ZNF280C: variants seen among roughly 807,000 people sequenced by gnomAD.
The protein encoded by ZNF280C is zinc finger protein 280C.
ZNF280C carries 14 observed loss-of-function variants against 53.6 expected under a neutral mutation model. The observed-to-expected ratio is 0.26, with a 90% CI of 0.17 to 0.41. The LOEUF (loss-of-function observed/expected upper bound fraction) is 0.41, where lower values mean the gene tolerates loss of function less well. Ranked by LOEUF, ZNF280C falls within the 10% of genes least tolerant of loss-of-function variation. The pLI, the probability that ZNF280C is intolerant of heterozygous loss-of-function variation, is 1.00. For synonymous variants in ZNF280C, 203 were observed against 181.1 expected (o/e 1.12, Z -0.97); for missense variants, 416 against 547.1 (o/e 0.76, Z 2.39).
chrX:130,212,185 G>A (rs1432481076), intron 15 of ZNF280C, among the ~76,000 whole-genome samples: 1 of 111,866 alleles, frequency 8.9e-6, no homozygotes, highest in Non-Finnish European at 1.9e-5. Context: ...TCATGTTTAT[G>A]CAAATGATGC....
At chrX:130,235,703 A>G (rs2032324621) in intron 8 of ZNF280C, among the ~76,000 whole-genome samples, 1 of 112,140 alleles carries the variant, frequency 8.9e-6, no homozygotes, top group African/African-American at 3.2e-5. Flanking sequence ...AGTATTTACC[A>G]TGTCTCTGCG....
intron 2 of ZNF280C, among the ~76,000 whole-genome samples, chrX:130,251,304 A>AAAAAAAAAAAAAAAAAAC (rs2032506688): frequency 9.6e-6 from 1 of 103,700 alleles, no homozygotes; most frequent in Non-Finnish European, 2.0e-5. Context: ...AAAAAAAAAA[A>AAAAAAAAAAAAAAAAAAC]AAAGACCAGC....
chrX:130,263,786 G>A (rs768394853), intron 1 of ZNF280C, among the ~76,000 whole-genome samples: 1 of 110,671 alleles, frequency 9.0e-6, no homozygotes, highest in Admixed American at 9.6e-5. Context: ...CAGCACTTTG[G>A]GAGGCAGAGG....
intron 16 of ZNF280C, among the ~76,000 whole-genome samples, chrX:130,207,934 T>C (rs1385045599): frequency 9.0e-6 from 1 of 111,583 alleles, no homozygotes; most frequent in Non-Finnish European, 1.9e-5. Flanking sequence ...CTTATATCCA[T>C]ACCCCTTTAA....
chrX:130,245,347 C>T (rs766257921), intron 3 of ZNF280C, among the ~76,000 whole-genome samples: 1 of 111,439 alleles, frequency 9.0e-6, no homozygotes, highest in East Asian at 2.8e-4. Context: ...GGTAATATTT[C>T]AGCATAAAAA....
At chrX:130,249,373 C>T (rs753143388) in intron 2 of ZNF280C, among the ~76,000 whole-genome samples, 3 of 112,224 alleles carry the variant, frequency 2.7e-5, no homozygotes, top group Non-Finnish European at 3.8e-5. Flanking sequence ...ATGGGCCCTG[C>T]TGTCACTGCC....
At position 130,236,633 on chromosome X, in the gene ZNF280C, T is replaced by C. The variant is rs774726642; in HGVS notation, c.500A>G (p.Lys167Arg). The C allele has an allele frequency of 8.7e-7, 1 of 1,147,035 alleles. No homozygotes were observed. The highest frequency in any genetic ancestry group is 2.4e-5 in the Admixed American group (1 of 42,022). 94.5% of individuals were successfully genotyped at this position (1,147,035 alleles called of 1,213,427 possible). Reference sequence around the variant, plus strand: ...ATGTTTCAACACATATGAAGTATTTTTCATACCTACAAAGATTTAAATAGT... The same window carrying C: ...ATGTTTCAACACATATGAAGTATTTCTCATACCTACAAAGATTTAAATAGT... Reference protein sequence around the residue: ...DIPAIFREGMKNTSYVLKHPS... With the variant: ...DIPAIFREGMRNTSYVLKHPS... The change falls in exon 7 of 19, where the codon AAA becomes AGA. Residue 167 changes from lysine to arginine, a missense_variant. Coordinates refer to ENST00000370978, the MANE Select transcript of ZNF280C (RefSeq NM_017666.5).
intron 1 of ZNF280C, 102 bp from the exon 2 acceptor site, chrX:130,260,567 T>C: frequency 5.3e-6 from 3 of 564,194 alleles, no homozygotes; most frequent in East Asian, 8.3e-5. Context: ...GGGTCTAATT[T>C]TGATCTCCAG....
chrX:130,267,676 T>C (rs1389136823), intron 1 of ZNF280C, among the ~76,000 whole-genome samples: 4 of 112,205 alleles, frequency 3.6e-5, no homozygotes, highest in Non-Finnish European at 7.5e-5. Flanking sequence ...TCAGTGCCTT[T>C]GTAGGCTCAG....
At chrX:130,229,693 T>C (rs565267607) in intron 9 of ZNF280C, among the ~76,000 whole-genome samples, 8 of 112,468 alleles carry the variant, frequency 7.1e-5, no homozygotes, top group African/African-American at 1.9e-4. Context: ...GGCTTACTGT[T>C]AGCACAAACT....
chrX:130,253,011 A>C (rs1460415324), intron 2 of ZNF280C, among the ~76,000 whole-genome samples: 1 of 111,916 alleles, frequency 8.9e-6, no homozygotes. Flanking sequence ...CAATATCTAG[A>C]AAACCCCATA....
At chrX:130,221,032 AAC>A (rs1358452914) in intron 12 of ZNF280C, among the ~76,000 whole-genome samples, 1 of 111,918 alleles carries the variant, frequency 8.9e-6, no homozygotes, top group Non-Finnish European at 1.9e-5. Context: ...TTGCATATAA[AAC>A]ACAAACAATC....
intron 2 of ZNF280C, among the ~76,000 whole-genome samples, chrX:130,254,858 A>C (rs2032549197): frequency 9.1e-6 from 1 of 110,479 alleles, no homozygotes; most frequent in Non-Finnish European, 1.9e-5. Context: ...CAAACCCCCA[A>C]GACATGAGTG....
rs878873819 is a variant in ZNF280C at position 130,226,770 on chromosome X, T to A, written c.1384A>T (p.Met462Leu). 4.1e-6 allele frequency: 5 copies of A among 1,208,102 alleles called. No individual in the cohort carries two copies. In the South Asian group the frequency reaches 7.1e-5, roughly 17 times the overall value. ...CTGCTTAATCTCACCTGATGCTTCA[T>A]GTAATGATTCATGTAGGGGGTTGCC... ...KMATPYMNHY[M>L]KHQKKGVHRC... is the part of the protein sequence containing the mutation. Residue 462 changes from methionine to leucine, a missense_variant, in exon 12 of 19, where the codon ATG (methionine) becomes TTG (leucine). Around this residue, in one of 3 missense-constraint regions of ZNF280C, gnomAD observed 72 missense variants for 168.8 expected, o/e 0.43. Coordinates refer to ENST00000370978, the MANE Select transcript of ZNF280C (RefSeq NM_017666.5).
chrX:130,210,490 A>G (rs897685229), intron 15 of ZNF280C, among the ~76,000 whole-genome samples: 16 of 112,472 alleles, frequency 1.4e-4, no homozygotes, highest in Non-Finnish European at 2.6e-4. Context: ...CCCAGGCTGG[A>G]AAATAATAAT....
In ZNF280C at chrX:130,204,947, C is replaced by T; in HGVS notation, c.*30G>A. ...TAGGAACTTCCAACTTGTCTTGCAC[C>T]AGGTTGCATGAACTCCATGGAGCAG... On this transcript the variant is annotated 3_prime_UTR_variant, in exon 19 of 19. Coordinates refer to ENST00000370978, the MANE Select transcript of ZNF280C (RefSeq NM_017666.5). 1 of 1,071,108 alleles carries T rather than the reference C, an allele frequency of 9.3e-7. No individual in the cohort carries two copies. Among genetic ancestry groups the T allele is most frequent in the Non-Finnish European group, 1.2e-6 (1 of 826,580 alleles). The allele number at this position is 1,071,108 out of a possible 1,213,427, so 88.3% of individuals were successfully genotyped here. A position where few individuals can be genotyped will look rare whatever the true frequency, so the allele number is the denominator to read the frequency against.
At chrX:130,243,475 G>A (rs2032415727) in intron 5 of ZNF280C, 88 bp downstream of exon 5, 1 of 1,028,721 alleles carries the variant, frequency 9.7e-7, no homozygotes, top group Admixed American at 2.6e-5. Flanking sequence ...GTGAGCCACT[G>A]TGCCCGGCTG....
Position 130,228,926 on chromosome X carries a change from C to T in ZNF280C, c.1147+51G>A, listed in dbSNP as rs763977470. 5.7e-6 allele frequency: 6 copies of T among 1,060,068 alleles called. No homozygotes were observed. The South Asian group carries it at 1.2e-4, about 21-fold the overall frequency. The allele number at this position is 1,060,068 out of a possible 1,213,427, so 87.4% of individuals were successfully genotyped here. A position where few individuals can be genotyped will look rare whatever the true frequency, so the allele number is the denominator to read the frequency against. On this transcript the variant is annotated intron_variant, in intron 10 of 18. Coordinates refer to ENST00000370978, the MANE Select transcript of ZNF280C (RefSeq NM_017666.5). ...GAATTTTTAAGGTTTCCTCACAGTTCGGATGATCAAAGTCAACAATATTCA... is the reference window on the plus strand; with the variant it reads ...GAATTTTTAAGGTTTCCTCACAGTTTGGATGATCAAAGTCAACAATATTCA...
intron 5 of ZNF280C, among the ~76,000 whole-genome samples, chrX:130,242,621 C>CCT (rs2032405443): frequency 8.9e-6 from 1 of 112,024 alleles, no homozygotes; most frequent in South Asian, 3.7e-4. Flanking sequence ...CTCACTGCAA[C>CCT]CTCTGCCTCC....
Sources: allele counts gnomAD v4.1 joint callset (sites outside exome capture counted in the v4.1 genomes callset), GRCh38; gene constraint gnomAD v4.1.1; regional missense constraint gnomAD v4.1.1; transcripts MANE v1.5; gene names NCBI Gene and HGNC (gene_info 2026-07-23, HGNC 2026-07-21).